Variants in RIMOC1 observed in about 807,000 individuals in gnomAD.
RIMOC1 encodes the protein RAB7A interacting MON1-CCZ1 complex subunit 1.
At chr5:41,916,890 G>A in the RIMOC1 span, 1 of 769,596 alleles carries the variant, frequency 1.3e-6, no homozygotes, top group Non-Finnish European at 1.9e-6. Context: ...TGGCTTTTGT[G>A]TTACTGTTAA....
chr5:41,905,925 C>T, the RIMOC1 span, among the ~76,000 whole-genome samples: 1 of 152,090 alleles, frequency 6.6e-6, no homozygotes, highest in Non-Finnish European at 1.5e-5. Context: ...CATTATGAGC[C>T]GTTGATCAGC....
At chr5:41,908,017 G>T in the RIMOC1 span, among the ~76,000 whole-genome samples, 1 of 152,138 alleles carries the variant, frequency 6.6e-6, no homozygotes, top group Non-Finnish European at 1.5e-5. Context: ...AGTATGAAAA[G>T]AAGTAAGATT....
the RIMOC1 span, chr5:41,907,917 G>A: frequency 1.2e-6 from 1 of 847,836 alleles, no homozygotes. Flanking sequence ...CCAACTTTAG[G>A]TAAAATGAAA....
At chr5:41,916,756 A>T in the RIMOC1 span, among the ~76,000 whole-genome samples, 2 of 152,282 alleles carry the variant, frequency 1.3e-5, no homozygotes, top group African/African-American at 4.8e-5. Flanking sequence ...AAGGTCAAAA[A>T]CACCTAAATG....
At chr5:41,917,913 A>C in the RIMOC1 span, 1 of 884,580 alleles carries the variant, frequency 1.1e-6, no homozygotes. Flanking sequence ...AAAATTTAAA[A>C]ATTATTTTTC....
At chr5:41,913,569 A>T in the RIMOC1 span, among the ~76,000 whole-genome samples, 2 of 152,216 alleles carry the variant, frequency 1.3e-5, no homozygotes, top group African/African-American at 2.4e-5. Flanking sequence ...ATTAGATCAC[A>T]TGTGTAAACC....
the RIMOC1 span, chr5:41,909,901 T>G: frequency 6.4e-7 from 1 of 1,562,298 alleles, no homozygotes; most frequent in East Asian, 2.3e-5. Flanking sequence ...AAGTAAGTTT[T>G]ACATTCCTGT....
the RIMOC1 span, among the ~76,000 whole-genome samples, chr5:41,907,368 CTGTATATTTA>C: frequency 2.6e-5 from 4 of 151,996 alleles, no homozygotes; most frequent in Non-Finnish European, 5.9e-5. Flanking sequence ...GAAGCCCTTT[CTGTATATTTA>C]TGTATATTAT....
At chr5:41,904,680 A>G in the RIMOC1 span, among the ~76,000 whole-genome samples, 1 of 152,060 alleles carries the variant, frequency 6.6e-6, no homozygotes, top group Non-Finnish European at 1.5e-5. Flanking sequence ...CGAAAACCGC[A>G]TTATTCAGAA....
the RIMOC1 span, chr5:41,911,086 C>T: frequency 6.2e-7 from 1 of 1,610,252 alleles, no homozygotes; most frequent in Non-Finnish European, 8.5e-7. Context: ...TGGAATGTCT[C>T]TCTTGGAGAC....
chr5:41,915,771 A>G, the RIMOC1 span, among the ~76,000 whole-genome samples: 1 of 152,196 alleles, frequency 6.6e-6, no homozygotes, highest in Non-Finnish European at 1.5e-5. Context: ...ACACATGGGA[A>G]TTATGAGGGT....
At chr5:41,910,466 T>G in the RIMOC1 span, among the ~76,000 whole-genome samples, 1 of 151,936 alleles carries the variant, frequency 6.6e-6, no homozygotes, top group African/African-American at 2.4e-5. Context: ...TCATCTCTAT[T>G]TGGATAATCC....
the RIMOC1 span, chr5:41,907,902 T>C: frequency 1.1e-6 from 1 of 945,980 alleles, no homozygotes. Context: ...TTTAGATGAT[T>C]GACTCCAACT....
chr5:41,908,631 C>T, the RIMOC1 span, among the ~76,000 whole-genome samples: 2 of 152,132 alleles, frequency 1.3e-5, no homozygotes, highest in African/African-American at 2.4e-5. Flanking sequence ...CAGCTACTCA[C>T]AAACCACAGA....
chr5:41,918,444 C>T, the RIMOC1 span: 1 of 985,524 alleles, frequency 1.0e-6, no homozygotes, highest in Non-Finnish European at 1.2e-6. Context: ...GGCTTTCTTC[C>T]CTATCCACCC....
At chr5:41,906,536 AG>A in the RIMOC1 span, among the ~76,000 whole-genome samples, 1 of 152,230 alleles carries the variant, frequency 6.6e-6, no homozygotes, top group Non-Finnish European at 1.5e-5. Flanking sequence ...GAAGCACCTA[AG>A]GCATGTCATA....
the RIMOC1 span, among the ~76,000 whole-genome samples, chr5:41,908,974 C>T: frequency 1.3e-5 from 2 of 152,168 alleles, no homozygotes; most frequent in South Asian, 2.1e-4. Context: ...TGCTAGGTAA[C>T]GTTTCTAGTA....
At chr5:41,916,480 A>G in the RIMOC1 span, 1 of 960,668 alleles carries the variant, frequency 1.0e-6, no homozygotes, top group East Asian at 1.1e-4. Context: ...TAACACCTTT[A>G]ATAATTTAAA....
the RIMOC1 span, chr5:41,911,125 T>C: frequency 6.2e-7 from 1 of 1,610,134 alleles, no homozygotes; most frequent in Non-Finnish European, 8.5e-7. Flanking sequence ...TGTATTGTCA[T>C]TCTCTTACCA....
Sources: gnomAD v4.1 joint callset for allele counts (sites outside exome capture counted in the v4.1 genomes callset) on GRCh38, gnomAD v4.1.1 for gene constraint, MANE v1.5 for transcripts, NCBI Gene and HGNC (gene_info 2026-07-23, HGNC 2026-07-21) for gene names.